Variants in PPIL3 observed in about 807,000 individuals in gnomAD.
PPIL3 encodes the protein peptidylprolyl isomerase like 3, also known as peptidyl-prolyl cis-trans isomerase-like 3.
Under a neutral mutation model 20.9 loss-of-function variants are expected in PPIL3, and 13 were observed. That is an observed-to-expected ratio of 0.62 (90% CI 0.40 to 0.99). The LOEUF (loss-of-function observed/expected upper bound fraction) is 0.99. Among genes scored for constraint, PPIL3 ranks in the 50% least tolerant of loss-of-function variants. PPIL3 has a pLI of 0.00. For synonymous variants in PPIL3, 71 were observed against 64.4 expected (o/e 1.10, Z -0.49); for missense variants, 170 against 195.2 (o/e 0.87, Z 0.77).
intron 4 of PPIL3, among the ~76,000 whole-genome samples, chr2:200,882,087 G>C (rs1014470074): frequency 6.6e-6 from 1 of 152,204 alleles, no homozygotes; most frequent in African/African-American, 2.4e-5. Context: ...TGGGGGCAAG[G>C]GGAGGGAGAG....
chr2:200,874,460 G>A (rs1164619917), intron 6 of PPIL3, among the ~76,000 whole-genome samples: 1 of 152,110 alleles, frequency 6.6e-6, no homozygotes, highest in Non-Finnish European at 1.5e-5. Flanking sequence ...AAGTATATGG[G>A]AAACGGACCC....
chr2:200,877,864 T>C (rs2039580942), intron 5 of PPIL3, among the ~76,000 whole-genome samples: 1 of 152,128 alleles, frequency 6.6e-6, no homozygotes, highest in Non-Finnish European at 1.5e-5. Flanking sequence ...CTAAGAAAGG[T>C]CTCACCTAGC....
intron 3 of PPIL3, chr2:200,884,901 TA>T (rs577625064): frequency 1.3e-5 from 2 of 149,360 alleles, no homozygotes; most frequent in Non-Finnish European, 3.0e-5. Flanking sequence ...CCGTCTCTAC[TA>T]AAAAAATATA....
chr2:200,872,208 G>A (rs2039330982), intron 6 of PPIL3, among the ~76,000 whole-genome samples: 1 of 152,106 alleles, frequency 6.6e-6, no homozygotes, highest in African/African-American at 2.4e-5. Flanking sequence ...TAGAACTTAG[G>A]AAAGCACTTT....
chr2:200,875,300 G>T (rs374806800), intron 6 of PPIL3, among the ~76,000 whole-genome samples: 1 of 151,460 alleles, frequency 6.6e-6, no homozygotes, highest in Non-Finnish European at 1.5e-5. Flanking sequence ...ACGGAGTCTC[G>T]CTTTGTCACC....
intron 6 of PPIL3, among the ~76,000 whole-genome samples, chr2:200,873,040 T>A (rs2039372613): frequency 6.6e-6 from 1 of 152,002 alleles, no homozygotes; most frequent in Non-Finnish European, 1.5e-5. Flanking sequence ...CCTGGCTAAT[T>A]TTTGTATTTT....
intron 6 of PPIL3, among the ~76,000 whole-genome samples, chr2:200,874,522 T>G (rs1009178342): frequency 6.6e-6 from 1 of 152,196 alleles, no homozygotes; most frequent in Non-Finnish European, 1.5e-5. Flanking sequence ...AAAATGTGTG[T>G]GCATCTGTAT....
intron 6 of PPIL3, among the ~76,000 whole-genome samples, chr2:200,874,856 T>C (rs1261394804): frequency 2.0e-5 from 3 of 152,150 alleles, no homozygotes; most frequent in Non-Finnish European, 2.9e-5. Flanking sequence ...GCCTCCCAAG[T>C]AGCTGGGACC....
intron 2 of PPIL3, among the ~76,000 whole-genome samples, chr2:200,886,429 C>CTT (rs1304349954): frequency 2.1e-5 from 3 of 142,944 alleles, no homozygotes; most frequent in Non-Finnish European, 4.6e-5. Context: ...TTCATTTCTC[C>CTT]TTTTTTTTTT....
chr2:200,883,573 G>GT (rs1234483315), intron 3 of PPIL3, among the ~76,000 whole-genome samples: 6 of 151,162 alleles, frequency 4.0e-5, no homozygotes, highest in Admixed American at 6.6e-5. Context: ...GGGCAACATA[G>GT]TAAGACCTCA....
chr2:200,883,065 T>G (rs2039793386), intron 3 of PPIL3, among the ~76,000 whole-genome samples: 1 of 151,488 alleles, frequency 6.6e-6, no homozygotes. Context: ...GGGCAGCTTT[T>G]CTTACCTGGG....
Position 200,873,977 on chromosome 2 carries a change from G to A in PPIL3, c.360-2456C>T, listed in dbSNP as rs376527777. 4.0e-4 allele frequency among the ~76,000 whole-genome samples: 61 copies of A among 151,644 alleles called. No individual in the cohort carries two copies. In the East Asian group the frequency reaches 8.7e-3, roughly 22 times the overall value. On this transcript the variant is annotated intron_variant, in intron 6 of 6. Coordinates refer to ENST00000392283, the MANE Select transcript of PPIL3 (RefSeq NM_130906.3). ...TCTCAGCACTTTGGGAGGCCAAGGC[G>A]GGCGGATCACGAGGTCGGGAGATTG...
At chr2:200,880,443 G>A (rs1361392975) in intron 5 of PPIL3, among the ~76,000 whole-genome samples, 1 of 141,342 alleles carries the variant, frequency 7.1e-6, no homozygotes, top group Non-Finnish European at 1.5e-5. Flanking sequence ...CTCGTTCTGT[G>A]CATGATCTTG....
chr2:200,888,923 GTGAA>G (rs2040089010), intron 1 of PPIL3, 29 bp downstream of exon 1: 1 of 471,048 alleles, frequency 2.1e-6, no homozygotes, highest in Non-Finnish European at 4.4e-6. Flanking sequence ...ATTCGAATAA[GTGAA>G]TGAAAGAATT....
At position 200,881,585 on chromosome 2, in the gene PPIL3, TTAAA is replaced by T. The variant is rs2039727679; in HGVS notation, c.173-101_173-98del. 3.1e-6 allele frequency: 3 copies of T among 957,574 alleles called. No homozygotes were observed. In the African/African-American group the frequency reaches 5.0e-5, roughly 16 times the overall value. The allele number at this position is 957,574 out of a possible 1,614,324, so 59.3% of individuals were successfully genotyped here. ...AAGGAATACTTTATAGTTTGACTGC[TTAAA>T]TATAGATAAAATTTGATATGGCCTT... On this transcript the variant is annotated intron_variant, in intron 4 of 6. Coordinates refer to ENST00000392283, the MANE Select transcript of PPIL3 (RefSeq NM_130906.3).
At chr2:200,880,782 G>C (rs1050331453) in intron 5 of PPIL3, among the ~76,000 whole-genome samples, 1 of 151,268 alleles carries the variant, frequency 6.6e-6, no homozygotes, top group African/African-American at 2.4e-5. Flanking sequence ...TTATCTCTGG[G>C]AAGTGGGATT....
chr2:200,882,895 C>CAAA (rs758646970), intron 3 of PPIL3, among the ~76,000 whole-genome samples: 1 of 73,876 alleles, frequency 1.4e-5, no homozygotes, highest in Non-Finnish European at 2.8e-5. Flanking sequence ...GACTCCGTCT[C>CAAA]AAAAAAAAAA....
intron 1 of PPIL3, chr2:200,888,513 G>C (rs2040058620): frequency 5.5e-6 from 1 of 182,470 alleles, no homozygotes; most frequent in South Asian, 8.9e-5. Context: ...AATATACTAT[G>C]AACTTCTCTT....
chr2:200,889,236 G>T (rs1304076629), upstream of PPIL3: 2 of 347,850 alleles, frequency 5.7e-6, no homozygotes, highest in Non-Finnish European at 1.1e-5. Flanking sequence ...AGTGTAAGGC[G>T]AAACTACCTG....
Sources: gnomAD v4.1 joint callset for allele counts (sites outside exome capture counted in the v4.1 genomes callset) on GRCh38, gnomAD v4.1.1 for gene constraint, MANE v1.5 for transcripts, NCBI Gene and HGNC (gene_info 2026-07-23, HGNC 2026-07-21) for gene names.